The following CD226 variants were observed in gnomAD, a reference collection of about 807,000 sequenced individuals.
The protein encoded by CD226 is CD226 antigen.
A neutral mutation model predicts 34.9 loss-of-function variants in CD226; 24 were observed. The ratio of observed to expected loss-of-function variants is 0.69; its 90% CI spans 0.50 to 0.97. The LOEUF (loss-of-function observed/expected upper bound fraction) is 0.97. CD226 is among the 50% of genes least tolerant of loss of function. The probability of loss-of-function intolerance (pLI) is 0.00; values close to 1 mark genes in which losing one functional copy is unlikely to be tolerated. For missense variants in CD226, 397 were observed against 412.7 expected (o/e 0.96, Z 0.33); for synonymous variants, 148 against 147.4 (o/e 1.00, Z -0.03).
intron 3 of CD226, among the ~76,000 whole-genome samples, chr18:69,875,410 T>C (rs965952450): frequency 1.3e-5 from 2 of 152,358 alleles, no homozygotes; most frequent in Admixed American, 6.5e-5. Flanking sequence ...AGTGCTGGGA[T>C]TACAGGCATG....
At chr18:69,912,099 G>T (rs550253177) in intron 2 of CD226, among the ~76,000 whole-genome samples, 28 of 152,280 alleles carry the variant, frequency 1.8e-4, no homozygotes, top group Admixed American at 1.5e-3. Context: ...CTAGCCATAT[G>T]TAGAAAGCTG....
chr18:69,929,850 C>A (rs28418405), intron 2 of CD226, among the ~76,000 whole-genome samples: 3,423 of 152,242 alleles, frequency 0.022, 116 homozygotes, highest in African/African-American at 0.077. Context: ...CACGCAACAT[C>A]GAATATATTA....
chr18:69,901,163 C>CA (rs1000529567), intron 2 of CD226, among the ~76,000 whole-genome samples: 5 of 150,828 alleles, frequency 3.3e-5, no homozygotes, highest in Non-Finnish European at 7.4e-5. Context: ...ACAACAACAA[C>CA]AAAAAAATGA....
At chr18:69,933,597 T>C (rs1011886252) in intron 2 of CD226, among the ~76,000 whole-genome samples, 10 of 152,272 alleles carry the variant, frequency 6.6e-5, no homozygotes, top group Admixed American at 1.3e-4. Context: ...CGTATAGGCA[T>C]ACATTCTTTC....
chr18:69,942,751 C>T (rs997078782), intron 2 of CD226, among the ~76,000 whole-genome samples: 1 of 152,092 alleles, frequency 6.6e-6, no homozygotes, highest in East Asian at 1.9e-4. Flanking sequence ...GGCCTCAGAG[C>T]CCAGGGTGAG....
At chr18:69,947,123 T>C in intron 1 of CD226, 54 bp from the exon 2 acceptor site, 1 of 1,422,288 alleles carries the variant, frequency 7.0e-7, no homozygotes, top group Non-Finnish European at 9.8e-7. Context: ...AAACACCAAA[T>C]CAATATCTTA....
At chr18:69,876,976 G>A (rs1386077942) in intron 3 of CD226, among the ~76,000 whole-genome samples, 1 of 144,184 alleles carries the variant, frequency 6.9e-6, no homozygotes, top group Admixed American at 7.1e-5. Flanking sequence ...TGATTCTCCT[G>A]CCTCAGCCTC....
At chr18:69,918,691 C>T (rs2055415347) in intron 2 of CD226, among the ~76,000 whole-genome samples, 1 of 152,144 alleles carries the variant, frequency 6.6e-6, no homozygotes, top group African/African-American at 2.4e-5. Context: ...ATGTAAAATG[C>T]ACTGTGAGCT....
At chr18:69,927,013 G>C (rs1177973243) in intron 2 of CD226, among the ~76,000 whole-genome samples, 1 of 152,206 alleles carries the variant, frequency 6.6e-6, no homozygotes, top group Non-Finnish European at 1.5e-5. Context: ...TCACTGCTAT[G>C]ATCTGAATGT....
intron 2 of CD226, among the ~76,000 whole-genome samples, chr18:69,946,183 A>C (rs1157239679): frequency 6.6e-4 from 2 of 3,048 alleles, no homozygotes; most frequent in Admixed American, 8.1e-3. Context: ...ACTCCATCAA[A>C]AAAAAAAAAA....
intron 2 of CD226, among the ~76,000 whole-genome samples, chr18:69,926,576 GT>G (rs2055524986): frequency 6.6e-6 from 1 of 152,166 alleles, no homozygotes; most frequent in Non-Finnish European, 1.5e-5. Context: ...TGCCTGGCAA[GT>G]GGTAACAGCT....
At chr18:69,921,128 G>T (rs116941012) in intron 2 of CD226, among the ~76,000 whole-genome samples, 1 of 152,044 alleles carries the variant, frequency 6.6e-6, no homozygotes. Flanking sequence ...CTCTCTGCTT[G>T]CAAACCAGTT....
At chr18:69,920,185 G>A (rs553349091) in intron 2 of CD226, among the ~76,000 whole-genome samples, 4 of 152,128 alleles carry the variant, frequency 2.6e-5, no homozygotes, top group African/African-American at 9.6e-5. Context: ...CTCTACACAG[G>A]CTCAAACCCA....
chr18:69,887,347 T>G (rs1334458285), intron 3 of CD226, among the ~76,000 whole-genome samples: 1 of 151,246 alleles, frequency 6.6e-6, no homozygotes, highest in Admixed American at 6.6e-5. Flanking sequence ...ACACACAAAT[T>G]AAAAGAGTGA....
chr18:69,892,723 A>C (rs896845712), intron 3 of CD226, among the ~76,000 whole-genome samples: 2 of 151,856 alleles, frequency 1.3e-5, no homozygotes, highest in African/African-American at 2.4e-5. Context: ...GAATGCAGGC[A>C]GGTAGGAGTC....
intron 2 of CD226, among the ~76,000 whole-genome samples, chr18:69,931,301 G>A (rs11663959): frequency 0.76 from 115,900 of 151,564 alleles, 51,384 homozygotes; most frequent in East Asian, 1. Context: ...GTTAATGGGT[G>A]CAGCACACCA....
intron 2 of CD226, among the ~76,000 whole-genome samples, chr18:69,897,727 A>T (rs1484445001): frequency 1.3e-5 from 2 of 152,190 alleles, no homozygotes; most frequent in African/African-American, 2.4e-5. Context: ...AGAGAAACAA[A>T]AGAGATGTCA....
intron 2 of CD226, among the ~76,000 whole-genome samples, chr18:69,902,019 C>T (rs557034810): frequency 6.6e-6 from 1 of 152,238 alleles, no homozygotes; most frequent in South Asian, 2.1e-4. Flanking sequence ...TATTAATGTG[C>T]CTGTTTCACA....
chr18:69,946,482 A>T (rs958041955), intron 2 of CD226, among the ~76,000 whole-genome samples: 8 of 152,082 alleles, frequency 5.3e-5, no homozygotes, highest in Admixed American at 2.0e-4. Context: ...GACAACAAAA[A>T]ACCTGTGCTT....
Sources: gnomAD v4.1 joint callset for allele counts (sites outside exome capture counted in the v4.1 genomes callset) on GRCh38, gnomAD v4.1.1 for gene constraint, MANE v1.5 for transcripts, NCBI Gene and HGNC (gene_info 2026-07-23, HGNC 2026-07-21) for gene names.